GRID1: variants seen among roughly 807,000 people sequenced by gnomAD.
GRID1 encodes glutamate ionotropic receptor delta type subunit 1, also known as glutamate receptor ionotropic, delta-1.
In GRID1, 28 loss-of-function variants were observed where a neutral mutation model predicts 98.0. That is an observed-to-expected ratio of 0.29 (90% CI 0.21 to 0.39). GRID1 has a LOEUF of 0.39. Ranked by LOEUF, GRID1 falls within the 10% of genes least tolerant of loss-of-function variation. GRID1 has a pLI of 1.00. For missense variants in GRID1, 1,111 were observed against 1,340.5 expected, an observed-to-expected ratio of 0.83 and a Z score of 2.67; for synonymous variants, 553 against 538.5, an observed-to-expected ratio of 1.03 and a Z score of -0.37.
chr10:85,652,461 A>T lies in GRID1; in HGVS notation c.1998-5064T>A, dbSNP rs548268647. Among the ~76,000 whole-genome samples, 105 of 152,296 alleles carry T rather than the reference A, an allele frequency of 6.9e-4. 1 individual carries two copies. Among genetic ancestry groups the T allele is most frequent in the Middle Eastern group, 3.4e-3 (1 of 294 alleles). On this transcript the variant is annotated intron_variant, in intron 12 of 15. Coordinates refer to ENST00000327946, the MANE Select transcript of GRID1 (RefSeq NM_017551.3). Reference sequence around the variant, plus strand: ...ATGGGCCTGATACATGTGGATCTGGAAGTCCTATTATTCTTCCTTAAGGAG... The same window carrying T: ...ATGGGCCTGATACATGTGGATCTGGTAGTCCTATTATTCTTCCTTAAGGAG...
chr10:86,247,266 T>G (rs1846746213), intron 2 of GRID1, among the ~76,000 whole-genome samples: 1 of 139,510 alleles, frequency 7.2e-6, no homozygotes, highest in South Asian at 2.3e-4. Flanking sequence ...GATAGATGGA[T>G]GGATGGATAG....
chr10:86,175,153 G>T (rs1373954119), intron 3 of GRID1, among the ~76,000 whole-genome samples: 1 of 152,172 alleles, frequency 6.6e-6, no homozygotes, highest in South Asian at 2.1e-4. Flanking sequence ...GTGAATATGC[G>T]TGGCAGGGGA....
chr10:86,248,561 T>C (rs375226234), intron 2 of GRID1, among the ~76,000 whole-genome samples: 127 of 109,966 alleles, frequency 1.2e-3, no homozygotes, highest in African/African-American at 4.4e-3. Context: ...GGCATGACAA[T>C]TCTTTTTTTT....
chr10:85,603,351 T>C (rs1419213710), intron 15 of GRID1, among the ~76,000 whole-genome samples: 1 of 152,076 alleles, frequency 6.6e-6, no homozygotes, highest in African/African-American at 2.4e-5. Flanking sequence ...GGGGCGTGGG[T>C]TCCTGGGTGG....
At chr10:86,055,932 C>T (rs1458952287) in intron 4 of GRID1, among the ~76,000 whole-genome samples, 1 of 152,226 alleles carries the variant, frequency 6.6e-6, no homozygotes, top group Admixed American at 6.5e-5. Flanking sequence ...TATCGAACTT[C>T]CCAGCCTCCA....
chr10:85,718,960 GC>G (rs1225613378), intron 12 of GRID1, among the ~76,000 whole-genome samples: 1 of 152,154 alleles, frequency 6.6e-6, no homozygotes, highest in Non-Finnish European at 1.5e-5. Context: ...AAAATGGAAT[GC>G]TTTTAACAGC....
intron 4 of GRID1, among the ~76,000 whole-genome samples, chr10:85,957,761 G>T (rs1046381174): frequency 3.3e-5 from 5 of 152,170 alleles, no homozygotes; most frequent in African/African-American, 1.2e-4. Flanking sequence ...AAGGTCAGCA[G>T]CCACCCATTC....
At chr10:85,788,204 A>G (rs888778398) in intron 8 of GRID1, among the ~76,000 whole-genome samples, 9 of 152,106 alleles carry the variant, frequency 5.9e-5, no homozygotes, top group African/African-American at 2.2e-4. Context: ...GATGCTTGCC[A>G]GCCTTTTCCT....
intron 12 of GRID1, among the ~76,000 whole-genome samples, chr10:85,709,385 G>C (rs1252017585): frequency 6.6e-6 from 1 of 152,226 alleles, no homozygotes; most frequent in African/African-American, 2.4e-5. Flanking sequence ...GATTCAGACA[G>C]TTTATGGGGT....
rs543450116 is a variant in GRID1, at chr10:85,676,881, C to A, written c.1998-29484G>T. 8.5e-5 allele frequency among the ~76,000 whole-genome samples: 13 copies of A among 152,322 alleles called. No individual in the cohort carries two copies. In the East Asian group the frequency reaches 2.5e-3, roughly 29 times the overall value. Reference sequence around the variant, plus strand: ...TACCAGATTTAAGCACAATTAGTCACTGGGTTTGCCATTAGTTAATGGCAG... The same window carrying A: ...TACCAGATTTAAGCACAATTAGTCAATGGGTTTGCCATTAGTTAATGGCAG... On this transcript the variant is annotated intron_variant, in intron 12 of 15. Coordinates refer to ENST00000327946, the MANE Select transcript of GRID1 (RefSeq NM_017551.3).
At chr10:86,044,896 G>A (rs1197931031) in intron 4 of GRID1, among the ~76,000 whole-genome samples, 3 of 152,110 alleles carry the variant, frequency 2.0e-5, no homozygotes, top group East Asian at 1.9e-4. Flanking sequence ...TTGGTGGAGC[G>A]CAAGAGCATC....
chr10:85,851,838 A>C (rs1171476239), intron 8 of GRID1, among the ~76,000 whole-genome samples: 1 of 151,950 alleles, frequency 6.6e-6, no homozygotes, highest in East Asian at 1.9e-4. Flanking sequence ...TGATCTTGGC[A>C]CTGTTTTGGT....
intron 4 of GRID1, among the ~76,000 whole-genome samples, chr10:86,013,924 A>G (rs1331222413): frequency 6.6e-6 from 1 of 152,234 alleles, no homozygotes; most frequent in Non-Finnish European, 1.5e-5. Flanking sequence ...TGCAGAAGAA[A>G]AAACAAGATG....
intron 2 of GRID1, among the ~76,000 whole-genome samples, chr10:86,273,133 A>G (rs1446523960): frequency 1.3e-5 from 2 of 151,570 alleles, no homozygotes; most frequent in East Asian, 1.9e-4. Context: ...TCATTGTTCA[A>G]TTCCCACCTA....
At chr10:85,822,046 T>A (rs1842777723) in intron 8 of GRID1, among the ~76,000 whole-genome samples, 1 of 152,146 alleles carries the variant, frequency 6.6e-6, no homozygotes, top group Non-Finnish European at 1.5e-5. Context: ...TCAAGATGGA[T>A]CAAAGACTTA....
chr10:86,221,187 G>T (rs573064875), intron 2 of GRID1, among the ~76,000 whole-genome samples: 2 of 152,324 alleles, frequency 1.3e-5, no homozygotes, highest in East Asian at 3.9e-4. Context: ...GATGAGAGGG[G>T]CTCTTTGCCA....
intron 2 of GRID1, among the ~76,000 whole-genome samples, chr10:86,346,604 G>A (rs369848887): frequency 2.2e-4 from 34 of 152,368 alleles, no homozygotes; most frequent in African/African-American, 7.2e-4. Flanking sequence ...CGTTCAGAGC[G>A]GAGCAGACGC....
intron 5 of GRID1, among the ~76,000 whole-genome samples, chr10:85,874,006 A>G (rs572672136): frequency 2.1e-3 from 327 of 152,298 alleles, no homozygotes; most frequent in African/African-American, 7.6e-3. Context: ...TTGTATGACT[A>G]TATTACAATT....
chr10:85,762,116 T>C (rs1842153109), intron 8 of GRID1, among the ~76,000 whole-genome samples: 2 of 152,196 alleles, frequency 1.3e-5, no homozygotes, highest in South Asian at 4.1e-4. Context: ...TGACACTCAA[T>C]TACAACATGT....
Sources: gnomAD v4.1 joint callset for allele counts (sites outside exome capture counted in the v4.1 genomes callset) on GRCh38, gnomAD v4.1.1 for gene constraint, MANE v1.5 for transcripts, NCBI Gene and HGNC (gene_info 2026-07-23, HGNC 2026-07-21) for gene names.